IGSF10: variants seen among roughly 807,000 people sequenced by gnomAD.
IGSF10 encodes immunoglobulin superfamily member 10.
IGSF10 carries 126 observed loss-of-function variants against 128.2 expected under a neutral mutation model. That is an observed-to-expected ratio of 0.98 (90% CI 0.85 to 1.14). The LOEUF is 1.14. Ranked by LOEUF, IGSF10 falls within the 50% of genes most tolerant of loss-of-function variation. IGSF10 has a pLI of 0.00. For missense variants in IGSF10, 3,295 were observed against 3,149.8 expected (o/e 1.05, Z -1.10); for synonymous variants, 1,185 against 1,146.2 (o/e 1.03, Z -0.68).
the IGSF10 span, among the ~76,000 whole-genome samples, chr3:151,582,373 A>G: frequency 6.6e-6 from 1 of 150,962 alleles, no homozygotes; most frequent in African/African-American, 2.4e-5. Flanking sequence ...GCAAGAATCC[A>G]GCAACCCAGA....
the IGSF10 span, among the ~76,000 whole-genome samples, chr3:151,599,100 G>C: frequency 6.6e-6 from 1 of 152,212 alleles, no homozygotes; most frequent in East Asian, 1.9e-4. Context: ...GAAGGGATGA[G>C]TGCTGAGCAG....
In IGSF10 at chr3:151,443,206, G is replaced by C; in HGVS notation, c.5741C>G (p.Thr1914Ser). The C allele has an allele frequency of 6.2e-7, 1 of 1,614,098 alleles. No homozygotes were observed. The highest frequency in any genetic ancestry group is 8.5e-7 in the Non-Finnish European group (1 of 1,179,948). Residue 1914 changes from threonine (T) to serine (S), a missense_variant, in exon 7 of 8, where the codon ACT becomes AGT. Coordinates refer to ENST00000282466, the MANE Select transcript of IGSF10 (RefSeq NM_178822.5). ...IRNLASSDRG[T>S]YECIATSSTG... The stretch of plus-strand genomic sequence containing the variant: ...GGAACTGGTAGCAATGCATTCATAA[G>C]TGCCCCTGTCTGAAGAGGCTAGGTT...
At chr3:151,439,127 A>G (rs1560172182) in intron 7 of IGSF10, among the ~76,000 whole-genome samples, 1 of 152,228 alleles carries the variant, frequency 6.6e-6, no homozygotes, top group East Asian at 1.9e-4. Context: ...GAAGAGGCAC[A>G]TGCTAGAAAT....
chr3:151,572,707 G>A, the IGSF10 span, among the ~76,000 whole-genome samples: 1 of 151,968 alleles, frequency 6.6e-6, no homozygotes, highest in African/African-American at 2.4e-5. Flanking sequence ...GTTTTTTTGT[G>A]TCTCTATCTC....
At chr3:151,576,375 CCAT>C in the IGSF10 span, among the ~76,000 whole-genome samples, 3 of 151,980 alleles carry the variant, frequency 2.0e-5, no homozygotes, top group Non-Finnish European at 4.4e-5. Flanking sequence ...TTTTTATTTG[CCAT>C]CATCTTCTCT....
upstream of IGSF10, among the ~76,000 whole-genome samples, chr3:151,462,562 GAC>G (rs1276657588): frequency 2.0e-5 from 3 of 152,228 alleles, no homozygotes; most frequent in Non-Finnish European, 2.9e-5. Flanking sequence ...GAAGGAAAGT[GAC>G]AGAACTCCAG....
chr3:151,448,524 G>A lies in IGSF10; in HGVS notation c.1457C>T (p.Thr486Ile), dbSNP rs141489421. Residue 486 changes from threonine (T) to isoleucine (I), a missense_variant, in exon 6 of 8, where the codon ACT (threonine) becomes ATT (isoleucine). By Grantham distance (89) the Thr-to-Ile change is moderately conservative (BLOSUM62 -1). Transcript: ENST00000282466. ...SRDNNTKLEH[T>I]VLVGGTVGLN... ...GCCAACGGTTCCACCTACCAAGACA[G>A]TATGTTCCAGCTTAGTATTGTTATC... 9.4e-5 allele frequency: 152 copies of A among 1,614,144 alleles called. No individual in the cohort carries two copies. Among genetic ancestry groups the A allele is most frequent in the East Asian group, 5.3e-4 (24 of 44,902 alleles).
chr3:151,446,525 CATGGGT>C lies in IGSF10; in HGVS notation c.3450_3455del (p.Ile1150_Pro1151del). The C allele has an allele frequency of 6.2e-7, 1 of 1,614,096 alleles. No homozygotes were observed. The highest frequency in any genetic ancestry group is 8.5e-7 in the Non-Finnish European group (1 of 1,180,026). ...TGGCGTTTACTTTGTGAGTTTTTTC[CATGGGT>C]ATGGATGTTGGAGCATATGTCATGA... On this transcript the variant is annotated inframe_deletion, in exon 6 of 8. Transcript: ENST00000282466.
chr3:151,443,388 T>C lies in IGSF10; in HGVS notation c.5559A>G (p.Val1853=). Residue 1853 remains valine (V), a synonymous_variant, in exon 7 of 8, where the codon GTA becomes GTG. Coordinates refer to ENST00000282466, the MANE Select transcript of IGSF10 (RefSeq NM_178822.5). ...VILEQRRQVI[V]GTWGESLKLP... ...GTTTTAAACTTTCACCCCAAGTGCCTACAATGACTTGCCTCCTTTGCTCTA... is the reference window on the plus strand; with the variant it reads ...GTTTTAAACTTTCACCCCAAGTGCCCACAATGACTTGCCTCCTTTGCTCTA... 1.2e-6 allele frequency: 2 copies of C among 1,614,256 alleles called. No homozygotes were observed. The highest frequency in any genetic ancestry group is 1.7e-6 in the Non-Finnish European group (2 of 1,180,052).
chr3:151,483,084 C>T, the IGSF10 span, among the ~76,000 whole-genome samples: 3 of 152,070 alleles, frequency 2.0e-5, no homozygotes, highest in African/African-American at 7.2e-5. Flanking sequence ...ATGATAATTA[C>T]TGTCATTAAC....
Position 151,445,735 on chromosome 3 carries a change from TAA to T in IGSF10, c.4244_4245del (p.Leu1415GlnfsTer7). On this transcript the variant is annotated frameshift_variant, in exon 6 of 8. Coordinates refer to ENST00000282466, the MANE Select transcript of IGSF10 (RefSeq NM_178822.5). LOFTEE classifies it high-confidence loss of function. ...SSTISFHSRT[L>X]NLTDVIEELA... is the part of the protein sequence containing the mutation. The stretch of plus-strand genomic sequence containing the variant: ...AGTTCTTCAATCACATCTGTCAGAT[TAA>T]GAGTTCTTGAATGAAAACTGATTGT... 1 of 1,614,078 alleles carries T rather than the reference TAA, an allele frequency of 6.2e-7. No homozygotes were observed. Among genetic ancestry groups the T allele is most frequent in the African/African-American group, 1.3e-5 (1 of 75,072 alleles).
the IGSF10 span, among the ~76,000 whole-genome samples, chr3:151,516,430 T>C: frequency 6.6e-6 from 1 of 152,052 alleles, no homozygotes; most frequent in Non-Finnish European, 1.5e-5. Flanking sequence ...TTGTGGGGTA[T>C]ACTTTAACCT....
At chr3:151,497,526 T>C in the IGSF10 span, among the ~76,000 whole-genome samples, 5 of 152,184 alleles carry the variant, frequency 3.3e-5, no homozygotes, top group Non-Finnish European at 5.9e-5. Context: ...TTCTGTTCCA[T>C]TGGTTTATAT....
chr3:151,612,772 C>T, the IGSF10 span, among the ~76,000 whole-genome samples: 1 of 152,024 alleles, frequency 6.6e-6, no homozygotes, highest in East Asian at 1.9e-4. Flanking sequence ...GACCTGGCAT[C>T]AAGACATAGA....
the IGSF10 span, among the ~76,000 whole-genome samples, chr3:151,593,345 C>T: frequency 6.6e-6 from 1 of 152,110 alleles, no homozygotes; most frequent in Non-Finnish European, 1.5e-5. Context: ...CTCCTGAGCG[C>T]AAGCGATCAT....
At chr3:151,477,037 CACT>C in the IGSF10 span, among the ~76,000 whole-genome samples, 3 of 152,138 alleles carry the variant, frequency 2.0e-5, no homozygotes, top group Non-Finnish European at 4.4e-5. Flanking sequence ...CCTTCTACAC[CACT>C]GAGGCATTCT....
chr3:151,526,644 AT>A, the IGSF10 span, among the ~76,000 whole-genome samples: 1 of 152,078 alleles, frequency 6.6e-6, no homozygotes, highest in African/African-American at 2.4e-5. Context: ...AGTTCCTCTA[AT>A]ATTAAAAAAA....
chr3:151,478,924 A>C, the IGSF10 span, among the ~76,000 whole-genome samples: 2 of 152,242 alleles, frequency 1.3e-5, no homozygotes, highest in Non-Finnish European at 2.9e-5. Flanking sequence ...TAAACCAAAA[A>C]TATCAAGGGT....
the IGSF10 span, among the ~76,000 whole-genome samples, chr3:151,469,655 G>A: frequency 3.9e-5 from 6 of 152,052 alleles, no homozygotes; most frequent in African/African-American, 1.4e-4. Flanking sequence ...AACTGATATA[G>A]GAAGAATTAA....
Sources: gnomAD v4.1 joint callset for allele counts (sites outside exome capture counted in the v4.1 genomes callset) on GRCh38, gnomAD v4.1.1 for gene constraint, MANE v1.5 for transcripts, NCBI Gene and HGNC (gene_info 2026-07-23, HGNC 2026-07-21) for gene names.